CBLN2: variants seen among roughly 807,000 people sequenced by gnomAD.
The protein encoded by CBLN2 is cerebellin-2.
CBLN2 carries 7 observed loss-of-function variants against 15.0 expected under a neutral mutation model. The observed-to-expected ratio is 0.47, with a 90% CI of 0.27 to 0.88. The LOEUF (loss-of-function observed/expected upper bound fraction) is 0.88. CBLN2 is among the 40% of genes least tolerant of loss of function. CBLN2 has a pLI of 0.14. For missense variants in CBLN2, 242 were observed against 304.5 expected (o/e 0.79, Z 1.53); for synonymous variants, 149 against 135.2 (o/e 1.10, Z -0.71).
At chr18:72,623,055 T>C (rs1276708864) in intron 1 of CBLN2, among the ~76,000 whole-genome samples, 1 of 152,144 alleles carries the variant, frequency 6.6e-6, no homozygotes, top group Non-Finnish European at 1.5e-5. Flanking sequence ...ACAGTCATGA[T>C]CAGAGGCACA....
chr18:72,633,507 T>C (rs1194505442), intron 1 of CBLN2, among the ~76,000 whole-genome samples: 1 of 152,142 alleles, frequency 6.6e-6, no homozygotes, highest in African/African-American at 2.4e-5. Context: ...GTATCTATAA[T>C]AGCTGGAGCA....
intron 4 of CBLN2, 35 bp downstream of exon 4, chr18:72,538,618 C>A (rs767423615): frequency 6.2e-7 from 1 of 1,611,910 alleles, no homozygotes; most frequent in Non-Finnish European, 8.5e-7. Flanking sequence ...ACTATTAACT[C>A]AAACCTGAAA....
At chr18:72,570,764 TC>T (rs764246647) in intron 1 of CBLN2, among the ~76,000 whole-genome samples, 4 of 152,158 alleles carry the variant, frequency 2.6e-5, no homozygotes, top group Admixed American at 6.5e-5. Context: ...GAGATAGGTT[TC>T]CAGTAAGAGA....
At chr18:72,602,836 A>G (rs2069557811) in intron 1 of CBLN2, among the ~76,000 whole-genome samples, 1 of 152,192 alleles carries the variant, frequency 6.6e-6, no homozygotes, top group Non-Finnish European at 1.5e-5. Flanking sequence ...GGTCTTGCCT[A>G]GCCAGCTTCC....
chr18:72,565,334 C>T (rs1212651115), intron 1 of CBLN2, among the ~76,000 whole-genome samples: 1 of 151,868 alleles, frequency 6.6e-6, no homozygotes, highest in Non-Finnish European at 1.5e-5. Flanking sequence ...TAATATATTA[C>T]AATATGTAAT....
chr18:72,620,268 C>G, intron 1 of CBLN2: 1 of 152,068 alleles, frequency 6.6e-6, no homozygotes, highest in East Asian at 1.9e-4. Context: ...TTTTGAGTAT[C>G]TGCACTTGTG....
At chr18:72,618,693 C>A (rs1352356979) in intron 1 of CBLN2, 4 of 732,656 alleles carry the variant, frequency 5.5e-6, no homozygotes, top group Admixed American at 5.3e-5. Context: ...GAGGCAGTGG[C>A]AAGAAAAGGC....
chr18:72,558,615 A>C (rs2069241016), intron 1 of CBLN2, among the ~76,000 whole-genome samples: 1 of 152,190 alleles, frequency 6.6e-6, no homozygotes, highest in South Asian at 2.1e-4. Flanking sequence ...AAATTGTGAC[A>C]ATACTGCTTT....
chr18:72,563,376 T>C (rs2069273947), intron 1 of CBLN2, among the ~76,000 whole-genome samples: 1 of 152,186 alleles, frequency 6.6e-6, no homozygotes. Context: ...TGAAGACTTG[T>C]CAAAAATGTA....
intron 1 of CBLN2, among the ~76,000 whole-genome samples, chr18:72,615,883 C>T (rs1008599901): frequency 6.6e-6 from 1 of 152,090 alleles, no homozygotes; most frequent in Non-Finnish European, 1.5e-5. Flanking sequence ...GTGAGGTCCA[C>T]TTGTATTAGT....
intron 1 of CBLN2, among the ~76,000 whole-genome samples, chr18:72,635,734 G>C (rs902245080): frequency 6.6e-6 from 1 of 151,976 alleles, no homozygotes; most frequent in Non-Finnish European, 1.5e-5. Flanking sequence ...GTCCAACTAG[G>C]TTTGATGGAA....
chr18:72,549,027 T>G (rs2069176116), upstream of CBLN2, among the ~76,000 whole-genome samples: 1 of 152,156 alleles, frequency 6.6e-6, no homozygotes. Context: ...ATTTTTTATT[T>G]TTTTAATGGA....
chr18:72,585,027 G>A (rs2069433120), intron 1 of CBLN2, among the ~76,000 whole-genome samples: 1 of 152,166 alleles, frequency 6.6e-6, no homozygotes, highest in East Asian at 1.9e-4. Flanking sequence ...TGCTGCATCT[G>A]GACCAGGTAT....
chr18:72,583,426 T>G (rs1568123880), intron 1 of CBLN2, among the ~76,000 whole-genome samples: 1 of 152,146 alleles, frequency 6.6e-6, no homozygotes, highest in Non-Finnish European at 1.5e-5. Flanking sequence ...ACACTCATGC[T>G]ATACTTTGGG....
At chr18:72,571,025 T>C (rs1473768493) in intron 1 of CBLN2, among the ~76,000 whole-genome samples, 1 of 152,158 alleles carries the variant, frequency 6.6e-6, no homozygotes, top group African/African-American at 2.4e-5. Context: ...ATGTTTATCA[T>C]ATTATATATG....
chr18:72,635,160 C>G (rs2069804065), intron 1 of CBLN2, among the ~76,000 whole-genome samples: 1 of 152,056 alleles, frequency 6.6e-6, no homozygotes, highest in African/African-American at 2.4e-5. Flanking sequence ...GTACCGGACT[C>G]AAGTAGCATT....
chr18:72,552,188 G>A (rs1382752860), intron 1 of CBLN2, among the ~76,000 whole-genome samples: 1 of 151,394 alleles, frequency 6.6e-6, no homozygotes, highest in Non-Finnish European at 1.5e-5. Context: ...CTGGGTTCAA[G>A]CAATTCTACC....
rs150526789 is a variant in CBLN2, at chr18:72,582,840, A to G, written c.16-44068T>C. ...TAGACAGCAAACAGTCCTTAAGGAA[A>G]TACCATGATCTTACTTGGAATTACA... On this transcript the variant is annotated intron_variant, in intron 1 of 2. Transcript: ENST00000581073. 3.2e-3 allele frequency among the ~76,000 whole-genome samples: 480 copies of G among 152,344 alleles called. 2 individuals are homozygous for G. The highest frequency in any genetic ancestry group is 0.011 in the African/African-American group (451 of 41,582).
chr18:72,637,999 C>T (rs957699365), intron 1 of CBLN2, among the ~76,000 whole-genome samples: 6 of 152,248 alleles, frequency 3.9e-5, no homozygotes, highest in African/African-American at 1.4e-4. Flanking sequence ...AGTGAGCATC[C>T]CAAGACTGTG....
Sources: allele counts gnomAD v4.1 joint callset (sites outside exome capture counted in the v4.1 genomes callset), GRCh38; gene constraint gnomAD v4.1.1; transcripts MANE v1.5; gene names NCBI Gene and HGNC (gene_info 2026-07-23, HGNC 2026-07-21).